The following LETMD1 variants were observed in gnomAD, a reference collection of about 807,000 sequenced individuals.
LETMD1 encodes LETM1 domain containing 1, also known as LETM1 domain-containing protein 1.
Under a neutral mutation model 43.9 loss-of-function variants are expected in LETMD1, and 30 were observed. The ratio of observed to expected loss-of-function variants is 0.68; its 90% CI spans 0.51 to 0.93. LETMD1 has a LOEUF of 0.93. LETMD1 is among the 40% of genes least tolerant of loss of function. The pLI is 0.00. For synonymous variants in LETMD1, 176 were observed against 163.1 expected (o/e 1.08, Z -0.60); for missense variants, 413 against 447.7 (o/e 0.92, Z 0.70).
chr12:51,065,298 A>G (rs544127633), downstream of LETMD1, among the ~76,000 whole-genome samples: 50 of 152,330 alleles, frequency 3.3e-4, no homozygotes, highest in African/African-American at 1.1e-3. Context: ...AGCAGTTACC[A>G]AGATAATTAA....
At chr12:51,053,665 G>C (rs767474268) in intron 3 of LETMD1, 113 bp from the exon 4 acceptor site, 10 of 692,126 alleles carry the variant, frequency 1.4e-5, no homozygotes, top group Non-Finnish European at 2.3e-5. Flanking sequence ...AAAGAAATTT[G>C]GTCCTTTTTC....
At chr12:51,048,785 A>G in intron 1 of LETMD1, 1 of 586,608 alleles carries the variant, frequency 1.7e-6, no homozygotes, top group Non-Finnish European at 3.0e-6. Context: ...CCTGCAGTTC[A>G]AATTGTCCCA....
chr12:51,066,957 G>C, the LETMD1 span, among the ~76,000 whole-genome samples: 2 of 146,264 alleles, frequency 1.4e-5, no homozygotes. Flanking sequence ...AGCCTCTTGA[G>C]TACCTGGGAC....
At chr12:51,064,491 G>C (rs147317231), downstream of LETMD1, 4 of 1,610,744 alleles carry the variant, frequency 2.5e-6, no homozygotes, top group Admixed American at 5.0e-5. Flanking sequence ...ACTGGCAGTC[G>C]GGGAGGGCTC....
chr12:51,067,500 C>G, the LETMD1 span, among the ~76,000 whole-genome samples: 1 of 152,300 alleles, frequency 6.6e-6, no homozygotes. The surrounding 1 kb of genome is among the most constrained non-coding windows in gnomAD (Gnocchi z 4.1). Flanking sequence ...AGCCACCATG[C>G]CTGGCCGTGT....
At position 51,059,604 on chromosome 12, in the gene LETMD1, C is replaced by T. The variant is rs955887443; in HGVS notation, c.*173C>T. 6.3e-6 allele frequency: 4 copies of T among 639,084 alleles called. No individual in the cohort carries two copies. Among genetic ancestry groups the T allele is most frequent in the African/African-American group, 3.6e-5 (2 of 55,818 alleles). The allele number at this position is 639,084 out of a possible 1,614,324, so 39.6% of individuals were successfully genotyped here. On this transcript the variant is annotated 3_prime_UTR_variant, in exon 9 of 9. Coordinates refer to ENST00000262055, the MANE Select transcript of LETMD1 (RefSeq NM_015416.5). ...ACACATGTGGGAACTGCAGACATTC[C>T]TCTCACAGCTAGAACTGAAACAAAC...
chr12:51,055,188 G>A (rs547570277), intron 4 of LETMD1, among the ~76,000 whole-genome samples: 8 of 152,224 alleles, frequency 5.3e-5, no homozygotes. Flanking sequence ...CACATATAGT[G>A]TCCTGGTCAG....
chr12:51,058,076 T>C lies in LETMD1; in HGVS notation c.960T>C (p.Asp320=). ...RGLNSTHIGE[D]RCRTWLGEWL... is the part of the protein sequence containing the mutation. The stretch of plus-strand genomic sequence containing the variant: ...TGAATTCTACGCATATTGGTGAAGA[T>C]AGGTGTCGAACTTGGCTGGGAGAAT... The change falls in exon 8 of 9, where the codon GAT becomes GAC. Residue 320 remains aspartate, a synonymous_variant. Coordinates refer to ENST00000262055, the MANE Select transcript of LETMD1 (RefSeq NM_015416.5). 1.9e-6 allele frequency: 3 copies of C among 1,613,962 alleles called. No individual in the cohort carries two copies. Among genetic ancestry groups the C allele is most frequent in the East Asian group, 4.5e-5 (2 of 44,884 alleles).
downstream of LETMD1, chr12:51,064,479 C>A: frequency 6.2e-7 from 1 of 1,609,472 alleles, no homozygotes; most frequent in Non-Finnish European, 8.5e-7. Flanking sequence ...TGTCAGGCTG[C>A]AACTGGCAGT....
the LETMD1 span, among the ~76,000 whole-genome samples, chr12:51,065,776 G>A: frequency 1.3e-5 from 2 of 152,198 alleles, no homozygotes; most frequent in Middle Eastern, 6.8e-3. Context: ...TCAATTCTTA[G>A]GACTGTTCTC....
At chr12:51,063,152 C>G (rs1451557631), downstream of LETMD1, 1 of 152,074 alleles carries the variant, frequency 6.6e-6, no homozygotes, top group Non-Finnish European at 1.5e-5. Flanking sequence ...CAGAGAACAC[C>G]AAACATGTCA....
In LETMD1 at chr12:51,058,139, T is replaced by C. The variant is rs1157785961; in HGVS notation, c.1012+11T>C. The C allele has an allele frequency of 6.4e-7, 1 of 1,550,432 alleles. No individual in the cohort carries two copies. Among genetic ancestry groups the C allele is most frequent in the South Asian group, 1.1e-5 (1 of 89,880 alleles). ...CCTGCAGCCTGAAAGGTAAAACACATTTCTGTGGTTATACCACTAAAATCC... is the reference window on the plus strand; with the variant it reads ...CCTGCAGCCTGAAAGGTAAAACACACTTCTGTGGTTATACCACTAAAATCC... On this transcript the variant is annotated intron_variant, in intron 8 of 8. Coordinates refer to ENST00000262055, the MANE Select transcript of LETMD1 (RefSeq NM_015416.5).
At chr12:51,052,812 G>A (rs1946546410) in intron 3 of LETMD1, among the ~76,000 whole-genome samples, 1 of 151,148 alleles carries the variant, frequency 6.6e-6, no homozygotes, top group Non-Finnish European at 1.5e-5. Context: ...GAAAATAGAA[G>A]TCTGCAAGGG....
Position 51,056,125 on chromosome 12 carries a change from A to G in LETMD1, c.661-19A>G. On this transcript the variant is annotated intron_variant, in intron 5 of 8. Transcript: ENST00000262055. ...GTCAGGACTTTCCTAACATCTACAA[A>G]TCTCTTACCTCTTCCAAGATACAGC... The G allele has an allele frequency of 1.2e-6, 2 of 1,612,530 alleles. No homozygotes were observed. The highest frequency in any genetic ancestry group is 1.7e-6 in the Non-Finnish European group (2 of 1,178,614).
chr12:51,048,325 A>T (rs768755149), upstream of LETMD1: 5 of 1,613,588 alleles, frequency 3.1e-6, no homozygotes, highest in East Asian at 6.7e-5. Flanking sequence ...CCCAAAGACA[A>T]CCTCTTCTCT....
chr12:51,063,612 C>T, downstream of LETMD1: 1 of 686,910 alleles, frequency 1.5e-6, no homozygotes, highest in Non-Finnish European at 2.3e-6. Flanking sequence ...CAATCCTTTC[C>T]CACCCATTCC....
chr12:51,063,766 C>G (rs139339223), downstream of LETMD1: 1,275 of 1,571,794 alleles, frequency 8.1e-4, 1 homozygote, highest in Non-Finnish European at 1.1e-3. Flanking sequence ...AGAGGGAGTT[C>G]TAAGGAAGAA....
Position 51,059,619 on chromosome 12 carries a change from C to A in LETMD1, c.*188C>A. On this transcript the variant is annotated 3_prime_UTR_variant, in exon 9 of 9. Coordinates refer to ENST00000262055, the MANE Select transcript of LETMD1 (RefSeq NM_015416.5). ...GCAGACATTCCTCTCACAGCTAGAA[C>A]TGAAACAAACCCTCTTGCTAGGGGT... 1 of 612,796 alleles carries A rather than the reference C, an allele frequency of 1.6e-6. No homozygotes were observed. Among genetic ancestry groups the A allele is most frequent in the Non-Finnish European group, 3.0e-6 (1 of 334,496 alleles). 38.0% of individuals were successfully genotyped at this position (612,796 alleles called of 1,614,324 possible).
intron 7 of LETMD1, 164 bp from the exon 8 acceptor site, chr12:51,057,868 G>A (rs1229780049): frequency 3.4e-5 from 23 of 670,128 alleles, no homozygotes; most frequent in African/African-American, 2.3e-4. Context: ...CTCGTGATCC[G>A]CCTACCTCGG....
Sources: gnomAD v4.1 joint callset for allele counts (sites outside exome capture counted in the v4.1 genomes callset) on GRCh38, gnomAD v4.1.1 for gene constraint, Gnocchi (gnomAD v3.1) non-coding constraint, MANE v1.5 for transcripts, NCBI Gene and HGNC (gene_info 2026-07-23, HGNC 2026-07-21) for gene names.